Variants in VIT observed in about 807,000 individuals in gnomAD.
VIT encodes the protein vitrin.
VIT carries 99 observed loss-of-function variants against 78.0 expected under a neutral mutation model. The ratio of observed to expected loss-of-function variants is 1.27; its 90% confidence interval spans 1.08 to 1.50. VIT has a LOEUF of 1.50. Ranked by LOEUF, VIT falls within the 40% of genes most tolerant of loss-of-function variation. The pLI, the probability that VIT is intolerant of heterozygous loss-of-function variation, is 0.00. For missense variants in VIT, 1,126 were observed against 875.3 expected (o/e 1.29, Z -3.61); for synonymous variants, 374 against 334.3 (o/e 1.12, Z -1.29).
intron 6 of VIT, among the ~76,000 whole-genome samples, chr2:36,766,356 C>T: frequency 7.5e-6 from 1 of 132,458 alleles, no homozygotes; most frequent in East Asian, 2.5e-4. Context: ...CAGGAAGATG[C>T]TTTCTCTACA....
intron 8 of VIT, chr2:36,774,567 A>G: frequency 1.0e-6 from 1 of 985,378 alleles, no homozygotes; most frequent in Non-Finnish European, 1.2e-6. Flanking sequence ...CACTCTCCAC[A>G]TGTTCTTAGA....
chr2:36,699,984 G>A (rs1250298929), intron 1 of VIT, among the ~76,000 whole-genome samples: 1 of 150,378 alleles, frequency 6.6e-6, no homozygotes, highest in Non-Finnish European at 1.5e-5. Flanking sequence ...ACAGAGCTGT[G>A]GCAAAGAGGT....
chr2:36,736,130 C>T (rs865984215), intron 3 of VIT, among the ~76,000 whole-genome samples: 3 of 152,130 alleles, frequency 2.0e-5, no homozygotes, highest in Non-Finnish European at 4.4e-5. Flanking sequence ...TAGCCAGAGG[C>T]ACCTTAGTGG....
At chr2:36,728,271 T>C (rs114373579) in intron 2 of VIT, among the ~76,000 whole-genome samples, 2,565 of 152,168 alleles carry the variant, frequency 0.017, 94 homozygotes, top group African/African-American at 0.059. Context: ...TTTTAGAGTA[T>C]ACTCCTTCAC....
At chr2:36,734,736 A>C (rs1268134322) in intron 3 of VIT, among the ~76,000 whole-genome samples, 2 of 151,680 alleles carry the variant, frequency 1.3e-5, no homozygotes, top group East Asian at 3.9e-4. Context: ...CTTCTTTTTC[A>C]CTTCTTTGTC....
chr2:36,737,596 G>C (rs1168449934), intron 3 of VIT, among the ~76,000 whole-genome samples: 1 of 152,168 alleles, frequency 6.6e-6, no homozygotes, highest in Non-Finnish European at 1.5e-5. Flanking sequence ...ACCTTGTAAG[G>C]CATGGAAAGA....
intron 10 of VIT, 30 bp from the exon 11 acceptor site, chr2:36,783,308 TAA>T: frequency 6.2e-7 from 1 of 1,612,964 alleles, no homozygotes; most frequent in Non-Finnish European, 8.5e-7. Context: ...CCTTTCCTTG[TAA>T]GTCACCAAAA....
intron 13 of VIT, among the ~76,000 whole-genome samples, chr2:36,804,325 C>A (rs1204060209): frequency 6.6e-6 from 1 of 152,240 alleles, no homozygotes; most frequent in African/African-American, 2.4e-5. Context: ...GACCTGTGCC[C>A]TTGGCCTGGA....
intron 12 of VIT, among the ~76,000 whole-genome samples, chr2:36,792,961 G>A (rs1425608332): frequency 6.6e-6 from 1 of 152,100 alleles, no homozygotes; most frequent in African/African-American, 2.4e-5. Context: ...TACTCAAAGT[G>A]TGATCCACAG....
intron 12 of VIT, among the ~76,000 whole-genome samples, chr2:36,796,610 T>C (rs1323587060): frequency 6.6e-6 from 1 of 152,160 alleles, no homozygotes; most frequent in Non-Finnish European, 1.5e-5. Flanking sequence ...CATTAAATAC[T>C]TTTTTTCTGT....
At chr2:36,759,770 C>T in intron 6 of VIT, 1 of 695,154 alleles carries the variant, frequency 1.4e-6, no homozygotes, top group East Asian at 1.3e-4. Context: ...TTAAGGTGAA[C>T]ACGGTTTAAG....
intron 3 of VIT, among the ~76,000 whole-genome samples, chr2:36,741,314 G>C (rs529664545): frequency 6.6e-6 from 1 of 152,118 alleles, no homozygotes; most frequent in Non-Finnish European, 1.5e-5. Context: ...GAAAATAGCC[G>C]GCGAGGAGGC....
chr2:36,726,835 A>AC (rs1666882742), intron 2 of VIT, among the ~76,000 whole-genome samples: 1 of 149,322 alleles, frequency 6.7e-6, no homozygotes, highest in Non-Finnish European at 1.5e-5. Flanking sequence ...AAAAAAAAAA[A>AC]AAAAAAAACA....
chr2:36,809,258 CATCCT>C (rs1666977441), intron 15 of VIT, among the ~76,000 whole-genome samples: 2 of 152,144 alleles, frequency 1.3e-5, no homozygotes, highest in African/African-American at 4.8e-5. Flanking sequence ...CCTTTCTTTA[CATCCT>C]GCACCCTGAG....
At chr2:36,771,450 C>CG (rs1260463239) in intron 7 of VIT, among the ~76,000 whole-genome samples, 1 of 150,820 alleles carries the variant, frequency 6.6e-6, no homozygotes, top group Non-Finnish European at 1.5e-5. Flanking sequence ...CGCTTGAACC[C>CG]GGGCAGCAGG....
chr2:36,750,705 C>T (rs917756545), intron 4 of VIT, among the ~76,000 whole-genome samples: 1 of 151,610 alleles, frequency 6.6e-6, no homozygotes, highest in East Asian at 1.9e-4. Context: ...CATGTAATCC[C>T]AGCTACTCGG....
At chr2:36,752,239 T>G (rs1451005171) in intron 4 of VIT, among the ~76,000 whole-genome samples, 1 of 152,160 alleles carries the variant, frequency 6.6e-6, no homozygotes, top group Admixed American at 6.5e-5. Context: ...CATGGCCAAG[T>G]GCAGGGGAGA....
At chr2:36,804,619 C>T (rs1404559872) in intron 13 of VIT, among the ~76,000 whole-genome samples, 2 of 152,170 alleles carry the variant, frequency 1.3e-5, no homozygotes, top group Non-Finnish European at 2.9e-5. Context: ...ATCACAAGAT[C>T]AAGAGATCGA....
intron 5 of VIT, among the ~76,000 whole-genome samples, chr2:36,757,697 A>G (rs1006041771): frequency 6.6e-6 from 1 of 152,250 alleles, no homozygotes; most frequent in African/African-American, 2.4e-5. Context: ...TGGCATTTAT[A>G]GGTAACACCA....
Sources: gnomAD v4.1 joint callset for allele counts (sites outside exome capture counted in the v4.1 genomes callset) on GRCh38, gnomAD v4.1.1 for gene constraint, MANE v1.5 for transcripts, NCBI Gene and HGNC (gene_info 2026-07-23, HGNC 2026-07-21) for gene names.